Variants in FSTL4 observed in about 807,000 individuals in gnomAD.
FSTL4 encodes the protein follistatin like 4.
Under a neutral mutation model 78.2 loss-of-function variants are expected in FSTL4, and 28 were observed. That is an observed-to-expected ratio of 0.36 (90% CI 0.27 to 0.49). The LOEUF (loss-of-function observed/expected upper bound fraction) is 0.49, where lower values mean the gene tolerates loss of function less well. Among genes scored for constraint, FSTL4 ranks in the 20% least tolerant of loss-of-function variants. FSTL4 has a pLI of 0.98. For missense variants in FSTL4, 922 were observed against 1,084.9 expected, an observed-to-expected ratio of 0.85 and a Z score of 2.11; for synonymous variants, 422 against 440.5, an observed-to-expected ratio of 0.96 and a Z score of 0.53.
At chr5:133,723,224 T>C in the FSTL4 span, among the ~76,000 whole-genome samples, 1 of 152,182 alleles carries the variant, frequency 6.6e-6, no homozygotes, top group African/African-American at 2.4e-5. Context: ...TTCTGAGTTA[T>C]AGCCCAGATA....
At chr5:133,786,807 T>C in the FSTL4 span, among the ~76,000 whole-genome samples, 2 of 152,252 alleles carry the variant, frequency 1.3e-5, no homozygotes, top group Admixed American at 6.5e-5. Context: ...CAGTGGTGAC[T>C]GCTCTATCCA....
At chr5:133,658,785 G>T in the FSTL4 span, among the ~76,000 whole-genome samples, 1 of 152,074 alleles carries the variant, frequency 6.6e-6, no homozygotes, top group Non-Finnish European at 1.5e-5. Flanking sequence ...CCTGAGTGCT[G>T]CTTTGAACAT....
intron 4 of FSTL4, among the ~76,000 whole-genome samples, chr5:133,336,483 C>A (rs1403071830): frequency 6.6e-6 from 1 of 152,256 alleles, no homozygotes; most frequent in African/African-American, 2.4e-5. Flanking sequence ...ACCACAGCCG[C>A]CTCTGCAGTC....
chr5:133,726,329 C>T, the FSTL4 span, among the ~76,000 whole-genome samples: 51 of 152,300 alleles, frequency 3.3e-4, no homozygotes, highest in Non-Finnish European at 6.5e-4. Flanking sequence ...TATCCAGAGA[C>T]GCCATCGACT....
At chr5:133,712,115 C>T in the FSTL4 span, among the ~76,000 whole-genome samples, 2,919 of 152,258 alleles carry the variant, frequency 0.019, 93 homozygotes, top group African/African-American at 0.067. Context: ...CTATCCTATT[C>T]GGAGCAGGCA....
chr5:133,817,585 G>A, the FSTL4 span, among the ~76,000 whole-genome samples: 1 of 152,182 alleles, frequency 6.6e-6, no homozygotes, highest in Non-Finnish European at 1.5e-5. Context: ...ATGGAGGAAG[G>A]GCCACAGCTG....
the FSTL4 span, among the ~76,000 whole-genome samples, chr5:133,658,443 T>C: frequency 0.011 from 1,645 of 152,258 alleles, 28 homozygotes; most frequent in African/African-American, 0.038. Flanking sequence ...TTCATTTCAG[T>C]TTAAGAGTTA....
chr5:133,840,629 T>C, the FSTL4 span, among the ~76,000 whole-genome samples: 5 of 152,198 alleles, frequency 3.3e-5, no homozygotes, highest in Non-Finnish European at 1.5e-5. Flanking sequence ...TCTTCAACTT[T>C]AGCAGCAGCA....
the FSTL4 span, among the ~76,000 whole-genome samples, chr5:133,775,139 A>G: frequency 2.0e-5 from 3 of 152,254 alleles, no homozygotes; most frequent in Non-Finnish European, 4.4e-5. Context: ...TGATCAAGAC[A>G]AGTTTCTATA....
chr5:133,741,889 C>T, the FSTL4 span, among the ~76,000 whole-genome samples: 1 of 152,206 alleles, frequency 6.6e-6, no homozygotes, highest in East Asian at 1.9e-4. Context: ...AGACATTCAG[C>T]ACCAGGCTTC....
chr5:133,341,670 G>C (rs552058693), intron 4 of FSTL4, among the ~76,000 whole-genome samples: 1 of 152,142 alleles, frequency 6.6e-6, no homozygotes, highest in South Asian at 2.1e-4. Flanking sequence ...TCCAGCCCCC[G>C]CTCTCTGCTT....
At chr5:133,581,238 G>A (rs34125342) in intron 2 of FSTL4, among the ~76,000 whole-genome samples, 10,665 of 152,196 alleles carry the variant, frequency 0.07, 754 homozygotes, top group African/African-American at 0.19. Context: ...AGGAAGAAAG[G>A]CCCCCAGTGG....
chr5:133,467,630 G>A (rs1057183532), intron 3 of FSTL4, among the ~76,000 whole-genome samples: 3 of 152,128 alleles, frequency 2.0e-5, no homozygotes, highest in African/African-American at 7.2e-5. Context: ...CGGAGGGGAT[G>A]GGCAGAAGAC....
chr5:133,659,890 C>A, the FSTL4 span, among the ~76,000 whole-genome samples: 3 of 151,578 alleles, frequency 2.0e-5, no homozygotes, highest in Admixed American at 6.6e-5. Flanking sequence ...AAAACAAGCC[C>A]AAGTTATAGA....
At chr5:133,543,254 G>A (rs1759512094) in intron 3 of FSTL4, among the ~76,000 whole-genome samples, 1 of 151,966 alleles carries the variant, frequency 6.6e-6, no homozygotes, top group Admixed American at 6.6e-5. Context: ...GTCCCACTGT[G>A]TTGCTCAGGC....
chr5:133,305,291 G>A (rs552224005), intron 6 of FSTL4, among the ~76,000 whole-genome samples: 65 of 152,268 alleles, frequency 4.3e-4, no homozygotes, highest in African/African-American at 1.5e-3. Flanking sequence ...CCTCACAGCC[G>A]AGCTAAGCTG....
chr5:133,806,686 G>A, the FSTL4 span, among the ~76,000 whole-genome samples: 1 of 152,324 alleles, frequency 6.6e-6, no homozygotes, highest in Middle Eastern at 3.4e-3. Flanking sequence ...AGCGGATGGA[G>A]GATAGGAAGT....
the FSTL4 span, among the ~76,000 whole-genome samples, chr5:133,825,999 G>T: frequency 6.6e-6 from 1 of 152,210 alleles, no homozygotes; most frequent in Non-Finnish European, 1.5e-5. Flanking sequence ...CCACTTCAGG[G>T]CAAAAGGCCC....
chr5:133,303,817 T>G lies in FSTL4; in HGVS notation c.727+8837A>C, dbSNP rs1753601673. On this transcript the variant is annotated intron_variant, in intron 6 of 15. Coordinates refer to ENST00000265342, the MANE Select transcript of FSTL4 (RefSeq NM_015082.2). ...AGGCAAGGTTTACCTTTCAGAAGCATGCCAAGGTGGGTCTTCTCTACACCT... is the reference window on the plus strand; with the variant it reads ...AGGCAAGGTTTACCTTTCAGAAGCAGGCCAAGGTGGGTCTTCTCTACACCT... Among the ~76,000 whole-genome samples, 3 of 152,198 alleles carry G rather than the reference T, an allele frequency of 2.0e-5. No homozygotes were observed. In the South Asian group the frequency reaches 6.2e-4, roughly 32 times the overall value.
Sources: allele counts gnomAD v4.1 joint callset (sites outside exome capture counted in the v4.1 genomes callset), GRCh38; gene constraint gnomAD v4.1.1; transcripts MANE v1.5; gene names NCBI Gene and HGNC (gene_info 2026-07-23, HGNC 2026-07-21).